SLC39A10: variants seen among roughly 807,000 people sequenced by gnomAD.
The protein encoded by SLC39A10 is solute carrier family 39 member 10, also known as zinc transporter ZIP10.
A neutral mutation model predicts 65.1 loss-of-function variants in SLC39A10; 13 were observed. The ratio of observed to expected loss-of-function variants is 0.20; its 90% CI spans 0.13 to 0.32. The LOEUF (loss-of-function observed/expected upper bound fraction) is 0.32, where lower values mean the gene tolerates loss of function less well. Among genes scored for constraint, SLC39A10 ranks in the 10% least tolerant of loss-of-function variants. The pLI is 1.00. For synonymous variants in SLC39A10, 321 were observed against 342.2 expected (o/e 0.94, Z 0.68); for missense variants, 831 against 1,018.4 (o/e 0.82, Z 2.50).
intron 1 of SLC39A10, among the ~76,000 whole-genome samples, chr2:195,662,326 TGGTG>T (rs1689440215): frequency 6.6e-6 from 1 of 151,512 alleles, no homozygotes; most frequent in East Asian, 1.9e-4. Flanking sequence ...TGGAGTGCAG[TGGTG>T]AGATCAGGGC....
At chr2:195,697,011 G>A (rs957492707) in intron 3 of SLC39A10, among the ~76,000 whole-genome samples, 1 of 152,042 alleles carries the variant, frequency 6.6e-6, no homozygotes, top group Non-Finnish European at 1.5e-5. Flanking sequence ...AAATGAAAGT[G>A]AATCATGATA....
In SLC39A10 at chr2:195,728,477, T is replaced by C; in HGVS notation, c.2337+128T>C. On this transcript the variant is annotated intron_variant, in intron 9 of 9. Coordinates refer to ENST00000359634, the MANE Select transcript of SLC39A10 (RefSeq NM_020342.3). The surrounding 1 kb of genome is among the most constrained non-coding windows in gnomAD (Gnocchi z 4.4). ...AAGACATAATATCCTAAATAATCTC[T>C]TAAGGAAGGACATTTAAGTAGGAGG... The C allele has an allele frequency of 1.2e-6, 1 of 867,958 alleles. No individual in the cohort carries two copies. Among genetic ancestry groups the C allele is most frequent in the Non-Finnish European group, 1.7e-6 (1 of 590,262 alleles). The allele number at this position is 867,958 out of a possible 1,614,324, so 53.8% of individuals were successfully genotyped here. A position where few individuals can be genotyped will look rare whatever the true frequency, so the allele number is the denominator to read the frequency against.
At chr2:195,624,260 G>T (rs1318301322) in intron 2 of SLC39A10, among the ~76,000 whole-genome samples, 1 of 151,570 alleles carries the variant, frequency 6.6e-6, no homozygotes, top group African/African-American at 2.4e-5. Context: ...GCTGGCGGGC[G>T]CCTGTAATCC....
At chr2:195,668,583 A>C (rs1284791049) in intron 1 of SLC39A10, among the ~76,000 whole-genome samples, 1 of 152,262 alleles carries the variant, frequency 6.6e-6, no homozygotes, top group Non-Finnish European at 1.5e-5. Context: ...GTGCATACAC[A>C]CATGGGTATG....
upstream of SLC39A10, among the ~76,000 whole-genome samples, chr2:195,656,112 GTTTTA>G (rs1236139607): frequency 2.0e-5 from 3 of 152,238 alleles, no homozygotes; most frequent in South Asian, 2.1e-4. Context: ...GCTGTTCATG[GTTTTA>G]TTTTCTCTAC....
intron 3 of SLC39A10, among the ~76,000 whole-genome samples, chr2:195,693,692 C>T (rs1218164096): frequency 2.0e-5 from 3 of 152,144 alleles, no homozygotes; most frequent in African/African-American, 7.2e-5. Flanking sequence ...GATCTTCTCT[C>T]TTCTTAGTTA....
At chr2:195,711,378 C>T (rs1395166730) in intron 5 of SLC39A10, among the ~76,000 whole-genome samples, 1 of 152,130 alleles carries the variant, frequency 6.6e-6, no homozygotes, top group Admixed American at 6.6e-5. Flanking sequence ...AATGGAGTCA[C>T]CAAACCATGA....
At chr2:195,714,306 G>A (rs1574304057) in intron 6 of SLC39A10, among the ~76,000 whole-genome samples, 1 of 152,246 alleles carries the variant, frequency 6.6e-6, no homozygotes, top group Middle Eastern at 3.4e-3. Context: ...TTTGGACATT[G>A]ATGTTTTTGA....
intron 5 of SLC39A10, among the ~76,000 whole-genome samples, chr2:195,709,503 A>G (rs1691531941): frequency 6.6e-6 from 1 of 152,104 alleles, no homozygotes; most frequent in Admixed American, 6.6e-5. Flanking sequence ...AAGTGCTGGG[A>G]TTACAGACAT....
At chr2:195,684,054 T>C in intron 3 of SLC39A10, 148 bp downstream of exon 3, 1 of 616,116 alleles carries the variant, frequency 1.6e-6, no homozygotes, top group Non-Finnish European at 2.7e-6. Context: ...GATATGCATA[T>C]TTAAAAGAAA....
At chr2:195,724,968 C>G (rs1469031797) in intron 8 of SLC39A10, among the ~76,000 whole-genome samples, 1 of 151,940 alleles carries the variant, frequency 6.6e-6, no homozygotes, top group Non-Finnish European at 1.5e-5. Flanking sequence ...AAAGAGTCCT[C>G]ACATATATGG....
At chr2:195,620,083 C>A (rs939050655) in intron 2 of SLC39A10, among the ~76,000 whole-genome samples, 6 of 152,172 alleles carry the variant, frequency 3.9e-5, no homozygotes, top group Non-Finnish European at 8.8e-5. Context: ...CCACCACACC[C>A]AGCTAATTTT....
chr2:195,630,472 C>T (rs931319277), intron 2 of SLC39A10, among the ~76,000 whole-genome samples: 1 of 152,112 alleles, frequency 6.6e-6, no homozygotes, highest in African/African-American at 2.4e-5. Context: ...TTCAGAGAAG[C>T]TTCAGGACAT....
chr2:195,613,949 C>G (rs1220638239), intron 2 of SLC39A10, among the ~76,000 whole-genome samples: 1 of 152,144 alleles, frequency 6.6e-6, no homozygotes. Context: ...TTCACCTGTT[C>G]TGTCCCTACC....
intron 1 of SLC39A10, among the ~76,000 whole-genome samples, chr2:195,672,224 G>A (rs754919664): frequency 2.0e-5 from 3 of 152,030 alleles, no homozygotes; most frequent in Non-Finnish European, 4.4e-5. Context: ...TGGCCCTCCT[G>A]GGTTCAATCA....
At chr2:195,671,865 TTCTC>T (rs1417181912) in intron 1 of SLC39A10, 1 of 152,230 alleles carries the variant, frequency 6.6e-6, no homozygotes, top group Non-Finnish European at 1.5e-5. Flanking sequence ...CTTCCATTCT[TTCTC>T]TTTCCCTGTT....
chr2:195,731,377 A>G (rs1437244695), intron 9 of SLC39A10, among the ~76,000 whole-genome samples: 2 of 152,110 alleles, frequency 1.3e-5, no homozygotes, highest in Admixed American at 1.3e-4. Context: ...TCTCCCCTTC[A>G]ACATTTCATA....
At chr2:195,637,924 A>G (rs1688725208) in intron 2 of SLC39A10, among the ~76,000 whole-genome samples, 1 of 152,210 alleles carries the variant, frequency 6.6e-6, no homozygotes, top group Non-Finnish European at 1.5e-5. Context: ...AGTTAAAGTT[A>G]GGAACTTAGG....
At chr2:195,618,242 G>A (rs948614841) in intron 2 of SLC39A10, among the ~76,000 whole-genome samples, 2 of 151,526 alleles carry the variant, frequency 1.3e-5, no homozygotes, top group East Asian at 2.0e-4. Context: ...TCCCAGCTAC[G>A]CGGGAGGCTG....
Sources: gnomAD v4.1 joint callset for allele counts (sites outside exome capture counted in the v4.1 genomes callset) on GRCh38, gnomAD v4.1.1 for gene constraint, Gnocchi (gnomAD v3.1) non-coding constraint, MANE v1.5 for transcripts, NCBI Gene and HGNC (gene_info 2026-07-23, HGNC 2026-07-21) for gene names.